SECISBP2: variants seen among roughly 807,000 people sequenced by gnomAD.
The protein encoded by SECISBP2 is SECIS binding protein 2, also known as selenocysteine insertion sequence-binding protein 2.
Under a neutral mutation model 98.2 loss-of-function variants are expected in SECISBP2, and 96 were observed. The ratio of observed to expected loss-of-function variants is 0.98; its 90% CI spans 0.83 to 1.16. The LOEUF (loss-of-function observed/expected upper bound fraction) is 1.16, where lower values mean the gene tolerates loss of function less well. Ranked by LOEUF, SECISBP2 falls within the 50% of genes most tolerant of loss-of-function variation. The probability of loss-of-function intolerance (pLI) is 0.00; values close to 1 mark genes in which losing one functional copy is unlikely to be tolerated. For missense variants in SECISBP2, 1,046 were observed against 1,022.9 expected (o/e 1.02, Z -0.31); for synonymous variants, 407 against 370.2 (o/e 1.10, Z -1.14).
At chr9:89,335,023 G>A (rs1016423128) in intron 7 of SECISBP2, among the ~76,000 whole-genome samples, 10 of 152,088 alleles carry the variant, frequency 6.6e-5, no homozygotes, top group Non-Finnish European at 1.2e-4. Flanking sequence ...GACCATCCTG[G>A]CTAACACAGT....
At position 89,347,384 on chromosome 9, in the gene SECISBP2, T is replaced by G. The variant is rs79837863; in HGVS notation, c.1602+336T>G. On this transcript the variant is annotated intron_variant, in intron 11 of 16. Transcript: ENST00000375807. ...CCCTTCATCCTACCCTAGCTGATATTTCTGATGTTGAGAGTCAGTGAATAA... is the reference window on the plus strand; with the variant it reads ...CCCTTCATCCTACCCTAGCTGATATGTCTGATGTTGAGAGTCAGTGAATAA... Among the ~76,000 whole-genome samples the G allele has an allele frequency of 6.9e-3, 1,054 of 152,230 alleles. 16 individuals are homozygous for G. The highest frequency in any genetic ancestry group is 0.024 in the African/African-American group (996 of 41,524).
chr9:89,347,667 C>T (rs138515527), intron 11 of SECISBP2, among the ~76,000 whole-genome samples: 3 of 152,108 alleles, frequency 2.0e-5, no homozygotes, highest in African/African-American at 7.2e-5. Context: ...TTAGTAGAGA[C>T]GAGGTCTCAT....
rs763172059 is a variant in SECISBP2 at position 89,346,953 on chromosome 9, A to ACCC, written c.1509_1511dup (p.Pro504dup). ...AGGCCGCCGCATGAGTCAAATGAAG[A>ACCC]CCCCGCACAATCCCTTGGACTCCAG... is the stretch of plus-strand genomic sequence containing the variant. On this transcript the variant is annotated inframe_insertion, in exon 11 of 17. Transcript: ENST00000375807. 1.2e-6 allele frequency: 2 copies of ACCC among 1,614,016 alleles called. No individual in the cohort carries two copies. The highest frequency in any genetic ancestry group is 1.7e-6 in the Non-Finnish European group (2 of 1,179,996).
intron 4 of SECISBP2, among the ~76,000 whole-genome samples, chr9:89,326,555 A>G (rs1459959205): frequency 1.3e-5 from 2 of 152,234 alleles, no homozygotes; most frequent in Admixed American, 6.5e-5. Context: ...TAAATTTGCA[A>G]TACAATAAAA....
chr9:89,334,863 GTGA>G (rs1179205269), intron 7 of SECISBP2, 133 bp downstream of exon 7: 4 of 719,018 alleles, frequency 5.6e-6, no homozygotes, highest in Admixed American at 4.1e-5. Flanking sequence ...AAGATGGATG[GTGA>G]TGATGGTTGC....
At chr9:89,349,405 A>C (rs1437277155) in intron 12 of SECISBP2, among the ~76,000 whole-genome samples, 1 of 152,208 alleles carries the variant, frequency 6.6e-6, no homozygotes, top group East Asian at 1.9e-4. Flanking sequence ...TTAGAACTAA[A>C]ATCCTGTTTT....
At position 89,348,130 on chromosome 9, in the gene SECISBP2, G is replaced by A; in HGVS notation, c.1654G>A (p.Val552Met). 6.2e-7 allele frequency: 1 copy of A among 1,614,084 alleles called. No homozygotes were observed. The highest frequency in any genetic ancestry group is 8.5e-7 in the Non-Finnish European group (1 of 1,179,902). ...ERKQRLQENA[V>M]SPAFTSDDTQ... ...AAAGCAGCGTCTCCAAGAAAATGCT[G>A]TGAGTCCAGCTTTTACCAGTGATGA... Residue 552 changes from valine (V) to methionine (M), a missense_variant, in exon 12 of 17, where the codon GTG becomes ATG. Physicochemically the swap from Val to Met is conservative, Grantham distance 21. Coordinates refer to ENST00000375807, the MANE Select transcript of SECISBP2 (RefSeq NM_024077.5).
chr9:89,318,848 G>C, intron 1 of SECISBP2: 1 of 1,275,896 alleles, frequency 7.8e-7, no homozygotes, highest in Non-Finnish European at 9.9e-7. Flanking sequence ...GTGGTGCGAT[G>C]TCACCCAGCG....
Position 89,357,489 on chromosome 9 carries a change from G to A in SECISBP2, c.2192G>A (p.Arg731His), listed in dbSNP as rs776028065. ...ATTCCCTTTGTGTTTGCTCTCAACC[G>A]CAAAGCTCTGGGGCGCAGTTTGAAT... is the stretch of plus-strand genomic sequence containing the variant. ...QNIPFVFALN[R>H]KALGRSLNKA... The change falls in exon 15 of 17, where the codon CGC (arginine) becomes CAC (histidine). Residue 731 changes from arginine (R) to histidine (H), a missense_variant. Transcript: ENST00000375807. 14 of 1,614,056 alleles carry A rather than the reference G, an allele frequency of 8.7e-6. No homozygotes were observed. Among genetic ancestry groups the A allele is most frequent in the South Asian group, 2.2e-5 (2 of 91,094 alleles).
downstream of SECISBP2, chr9:89,363,463 G>A (rs141215849): frequency 1.5e-4 from 244 of 1,613,866 alleles, no homozygotes; most frequent in Non-Finnish European, 1.9e-4. Flanking sequence ...TCATCCGGTC[G>A]TGCTCCCCAG....
intron 14 of SECISBP2, chr9:89,356,800 T>C (rs2132079156): frequency 6.2e-6 from 1 of 161,502 alleles, no homozygotes; most frequent in East Asian, 1.8e-4. Flanking sequence ...GTCATCTCTT[T>C]GATATATGCC....
downstream of SECISBP2, chr9:89,363,957 A>G (rs1833161835): frequency 1.9e-6 from 3 of 1,613,888 alleles, no homozygotes; most frequent in Non-Finnish European, 2.5e-6. Context: ...GGACCTGGGG[A>G]CACAGACCGT....
At chr9:89,352,023 C>A (rs891021909) in intron 14 of SECISBP2, among the ~76,000 whole-genome samples, 1 of 152,178 alleles carries the variant, frequency 6.6e-6, no homozygotes, top group Non-Finnish European at 1.5e-5. Flanking sequence ...TCCATATCTC[C>A]ATGTAAGAGG....
chr9:89,336,081 C>CTTTTTTTTTTTT lies in SECISBP2; in HGVS notation c.1089+1367_1089+1378dup, dbSNP rs59799418. On this transcript the variant is annotated intron_variant, in intron 7 of 16. Coordinates refer to ENST00000375807, the MANE Select transcript of SECISBP2 (RefSeq NM_024077.5). ...TTTTTCCCTTAAGTAATTTTAAGTG[C>CTTTTTTTTTTTT]TTTTTTTTTTTTTTTTTTTTTTTTT... Among the ~76,000 whole-genome samples the CTTTTTTTTTTTT allele has an allele frequency of 2.5e-3, 83 of 33,056 alleles. 15 individuals carry two copies. Among genetic ancestry groups the CTTTTTTTTTTTT allele is most frequent in the East Asian group, 5.9e-3 (8 of 1,354 alleles). The allele number at this position is 33,056 out of a possible 152,430, so 21.7% of individuals were successfully genotyped here.
chr9:89,319,500 G>C, intron 1 of SECISBP2, 152 bp from the exon 2 acceptor site: 1 of 822,684 alleles, frequency 1.2e-6, no homozygotes, highest in Non-Finnish European at 2.0e-6. Context: ...GAAATCGTTA[G>C]CAAGCAGGTT....
At chr9:89,333,309 C>T (rs1007611119) in intron 6 of SECISBP2, among the ~76,000 whole-genome samples, 1 of 152,184 alleles carries the variant, frequency 6.6e-6, no homozygotes, top group Admixed American at 6.5e-5. Flanking sequence ...GATTGAGAAC[C>T]CCAAAGAGCT....
rs750177493 is a variant in SECISBP2 at position 89,358,094 on chromosome 9, C to A, written c.2364C>A (p.Pro788=). Residue 788 remains proline (P), a synonymous_variant, in exon 16 of 17, where the codon CCC becomes CCA. Transcript: ENST00000375807. ...ENVQQELVGE[P]RPQAPPSLPT... Reference sequence around the variant, plus strand: ...TGCAGCAGGAGCTGGTGGGAGAGCCCAGGCCTCAGGCACCTCCCAGCCTAC... The same window carrying A: ...TGCAGCAGGAGCTGGTGGGAGAGCCAAGGCCTCAGGCACCTCCCAGCCTAC... 7.4e-6 allele frequency: 12 copies of A among 1,613,824 alleles called. No homozygotes were observed. The South Asian group carries it at 1.2e-4, about 16-fold the overall frequency.
At chr9:89,340,241 T>C (rs895699709) in intron 9 of SECISBP2, among the ~76,000 whole-genome samples, 1 of 152,194 alleles carries the variant, frequency 6.6e-6, no homozygotes, top group Admixed American at 6.5e-5. Flanking sequence ...TACTGCCTTA[T>C]GAAACTTTAA....
In SECISBP2 at chr9:89,319,720, A is replaced by G. The variant is rs559856397; in HGVS notation, c.105A>G (p.Leu35=). ...PRFAGLNVAW[L]ESSEACVFPS... is the part of the protein sequence containing the mutation. Reference sequence around the variant, plus strand: ...TTGCCGGGCTCAATGTGGCATGGTTAGAGTCCTCAGAAGCATGTGTCTTCC... The same window carrying G: ...TTGCCGGGCTCAATGTGGCATGGTTGGAGTCCTCAGAAGCATGTGTCTTCC... The change falls in exon 2 of 17, where the codon TTA becomes TTG. Residue 35 remains leucine, a synonymous_variant. Transcript: ENST00000375807. 7 of 1,614,128 alleles carry G rather than the reference A, an allele frequency of 4.3e-6. No homozygotes were observed. In the South Asian group the frequency reaches 6.6e-5, roughly 15 times the overall value.
Sources: allele counts gnomAD v4.1 joint callset (sites outside exome capture counted in the v4.1 genomes callset), GRCh38; gene constraint gnomAD v4.1.1; transcripts MANE v1.5; gene names NCBI Gene and HGNC (gene_info 2026-07-23, HGNC 2026-07-21).